The following NIBAN3 variants were observed in gnomAD, a reference collection of about 807,000 sequenced individuals.
NIBAN3 encodes the protein protein Niban 3.
Under a neutral mutation model 76.4 loss-of-function variants are expected in NIBAN3, and 66 were observed. The observed-to-expected ratio is 0.86, with a 90% confidence interval of 0.71 to 1.06. NIBAN3 has a LOEUF of 1.06. NIBAN3 is among the 50% of genes least tolerant of loss of function. NIBAN3 has a pLI of 0.00. For synonymous variants in NIBAN3, 360 were observed against 355.2 expected, an observed-to-expected ratio of 1.01 and a Z score of -0.15; for missense variants, 808 against 810.7, an observed-to-expected ratio of 1.00 and a Z score of 0.04.
rs1234216067 is a variant in NIBAN3, at chr19:17,553,405, A to C, written c.*1507A>C. ...GCCAGCAAAGTCATCTGCTAACTGG[A>C]TATTGGCAGCTTCTCTGCTGTCTTG... On this transcript the variant is annotated 3_prime_UTR_variant, in exon 15 of 15. Coordinates refer to ENST00000599164, the MANE Select transcript of NIBAN3 (RefSeq NM_001321827.2). 1.2e-6 allele frequency: 2 copies of C among 1,614,008 alleles called. No individual in the cohort carries two copies. The highest frequency in any genetic ancestry group is 2.2e-5 in the East Asian group (1 of 44,878).
rs188124961 is a variant in NIBAN3, at chr19:17,542,455, G to T, written c.1329+161G>T. Among the ~76,000 whole-genome samples the T allele has an allele frequency of 6.6e-6, 1 of 152,326 alleles. No homozygotes were observed. The highest frequency in any genetic ancestry group is 1.9e-4 in the East Asian group (1 of 5,182). The stretch of plus-strand genomic sequence containing the variant: ...CCGTGACCAGGCAGCAGCCACATGT[G>T]GTGGACAGAGCTGGGGCAGGGTGTA... On this transcript the variant is annotated intron_variant, in intron 10 of 14. Transcript: ENST00000599164. This position sits in a 1 kb window ranked among gnomAD's most constrained non-coding sequence, Gnocchi z 4.8.
chr19:17,546,945 A>G, intron 13 of NIBAN3, 148 bp downstream of exon 13: 1 of 908,850 alleles, frequency 1.1e-6, no homozygotes, highest in Non-Finnish European at 1.6e-6. Context: ...GGTCCAGGGT[A>G]GAGGAGCTCA....
chr19:17,543,607 C>G lies in NIBAN3; in HGVS notation c.1530C>G (p.Ser510Arg), dbSNP rs1009795615. Residue 510 changes from serine (S) to arginine (R), a missense_variant, in exon 12 of 15, where the codon AGC (serine) becomes AGG (arginine). Transcript: ENST00000599164. Reference protein sequence around the residue: ...GLCIFLPFVLSQLEPGCKKEL... With the variant: ...GLCIFLPFVLRQLEPGCKKEL... ...GCATCTTTTTACCTTTTGTGCTGAGCCAACTCGAGCCAGGCTGCAAAAAGG... is the reference window on the plus strand; with the variant it reads ...GCATCTTTTTACCTTTTGTGCTGAGGCAACTCGAGCCAGGCTGCAAAAAGG... The G allele has an allele frequency of 3.1e-6, 5 of 1,613,636 alleles. No individual in the cohort carries two copies. In the Admixed American group the frequency reaches 5.0e-5, roughly 16 times the overall value.
intron 12 of NIBAN3, among the ~76,000 whole-genome samples, chr19:17,545,052 A>T (rs1316420070): frequency 6.6e-6 from 1 of 151,888 alleles, no homozygotes; most frequent in African/African-American, 2.4e-5. Context: ...AGTCCAAGCT[A>T]CTTGGGAGGC....
chr19:17,544,437 C>T lies in NIBAN3; in HGVS notation c.1554+806C>T, dbSNP rs79929242. Reference sequence around the variant, plus strand: ...AAGAGCTGGGATGGGTCCCACACATCGCATATCACCTGGTGACATGGGCAT... The same window carrying T: ...AAGAGCTGGGATGGGTCCCACACATTGCATATCACCTGGTGACATGGGCAT... On this transcript the variant is annotated intron_variant, in intron 12 of 14. Transcript: ENST00000599164. Among the ~76,000 whole-genome samples the T allele has an allele frequency of 7.2e-3, 1,090 of 152,256 alleles. 12 individuals are homozygous for T. Among genetic ancestry groups the T allele is most frequent in the African/African-American group, 0.019 (800 of 41,540 alleles).
intron 4 of NIBAN3, among the ~76,000 whole-genome samples, chr19:17,536,818 T>G (rs1180811743): frequency 6.6e-6 from 1 of 152,078 alleles, no homozygotes; most frequent in Non-Finnish European, 1.5e-5. Context: ...CATAGAGCTG[T>G]GTGCCCTAGT....
At chr19:17,534,148 C>T (rs1163579980) in intron 4 of NIBAN3, among the ~76,000 whole-genome samples, 2 of 151,500 alleles carry the variant, frequency 1.3e-5, no homozygotes, top group African/African-American at 2.4e-5. Flanking sequence ...GGCAGTGAGC[C>T]GAGATTGCCC....
chr19:17,540,986 T>G (rs79150888), intron 9 of NIBAN3, among the ~76,000 whole-genome samples: 1 of 152,184 alleles, frequency 6.6e-6, no homozygotes, highest in African/African-American at 2.4e-5. Context: ...TCTGCCTGCA[T>G]TGGCCTCCCA....
chr19:17,543,230 A>T (rs2075987031), intron 10 of NIBAN3, 87 bp from the exon 11 acceptor site: 3 of 828,156 alleles, frequency 3.6e-6, no homozygotes, highest in Non-Finnish European at 5.8e-6. Flanking sequence ...AACAGGTTGG[A>T]TGCTGAGAAG....
At chr19:17,540,307 C>T in intron 8 of NIBAN3, 85 bp from the exon 9 acceptor site, 3 of 996,350 alleles carry the variant, frequency 3.0e-6, no homozygotes, top group Middle Eastern at 3.6e-4. Context: ...TCCCTGCTCG[C>T]GTCCCCCTCG....
intron 1 of NIBAN3, among the ~76,000 whole-genome samples, chr19:17,528,177 C>T (rs780159570): frequency 7.2e-5 from 11 of 151,962 alleles, no homozygotes; most frequent in Admixed American, 1.3e-4. Context: ...CTGCAACCTC[C>T]GCCTCCAGGA....
chr19:17,527,521 G>C (rs1270454482), intron 1 of NIBAN3, 126 bp downstream of exon 1: 1 of 972,686 alleles, frequency 1.0e-6, no homozygotes, highest in Admixed American at 3.3e-5. Flanking sequence ...CACACAGGAT[G>C]CCTTCTTAAT....
At chr19:17,549,799 G>A (rs2375636) in intron 14 of NIBAN3, 61,363 of 521,088 alleles carry the variant, frequency 0.12, 4,025 homozygotes, top group East Asian at 0.22. Context: ...TGGTGAATTT[G>A]TGTCCCATCT....
downstream of NIBAN3, among the ~76,000 whole-genome samples, chr19:17,554,929 CAAAAA>C (rs539980884): frequency 4.3e-5 from 4 of 92,140 alleles, no homozygotes; most frequent in African/African-American, 1.1e-4. Context: ...GACTCCGTCT[CAAAAA>C]AAAAAAAAAA....
At chr19:17,551,470 C>T (rs1457674850) in intron 14 of NIBAN3, among the ~76,000 whole-genome samples, 1 of 150,480 alleles carries the variant, frequency 6.6e-6, no homozygotes, top group Non-Finnish European at 1.5e-5. Context: ...TGCAATGGCG[C>T]GATCTCGGCT....
chr19:17,531,994 C>T (rs182968635), intron 2 of NIBAN3, among the ~76,000 whole-genome samples: 1 of 152,330 alleles, frequency 6.6e-6, no homozygotes, highest in East Asian at 1.9e-4. Context: ...GGGATCCACG[C>T]TTATTACTAA....
Position 17,552,070 on chromosome 19 carries a change from CTTTAT to C in NIBAN3, c.*177_*181del, listed in dbSNP as rs2076166360. 2.5e-6 allele frequency: 1 copy of C among 395,212 alleles called. No individual in the cohort carries two copies. Among genetic ancestry groups the C allele is most frequent in the South Asian group, 6.7e-5 (1 of 15,004 alleles). 24.5% of individuals were successfully genotyped at this position (395,212 alleles called of 1,614,324 possible). A position where few individuals can be genotyped will look rare whatever the true frequency, so the allele number is the denominator to read the frequency against. On this transcript the variant is annotated 3_prime_UTR_variant, in exon 15 of 15. Transcript: ENST00000599164. The stretch of plus-strand genomic sequence containing the variant: ...ATTTGTGTATTTTCCCCAAGGCTTT[CTTTAT>C]TTTAATTTTTTTTTTTTTTTTGAGA...
chr19:17,553,268 GT>G lies in NIBAN3; in HGVS notation c.*1377del, dbSNP rs778994646. 1.9e-6 allele frequency: 3 copies of G among 1,597,936 alleles called. No homozygotes were observed. The highest frequency in any genetic ancestry group is 2.2e-5 in the East Asian group (1 of 44,630). On this transcript the variant is annotated 3_prime_UTR_variant, in exon 15 of 15. Transcript: ENST00000599164. ...TGTGATACAGGTTACAGATTTTGGG[GT>G]TTTTTTCTCCGCTTGCTGTGAGCCT... is the stretch of plus-strand genomic sequence containing the variant.
chr19:17,543,168 A>G, intron 10 of NIBAN3, 149 bp from the exon 11 acceptor site: 1 of 623,442 alleles, frequency 1.6e-6, no homozygotes, highest in Non-Finnish European at 2.9e-6. Context: ...GAGGAGGGGA[A>G]AGGTGTTTCC....
Sources: gnomAD v4.1 joint callset for allele counts (sites outside exome capture counted in the v4.1 genomes callset) on GRCh38, gnomAD v4.1.1 for gene constraint, Gnocchi (gnomAD v3.1) non-coding constraint, MANE v1.5 for transcripts, NCBI Gene and HGNC (gene_info 2026-07-23, HGNC 2026-07-21) for gene names.